Variants in STPG4 observed in about 807,000 individuals in gnomAD.
STPG4 encodes sperm-tail PG-rich repeat containing 4, also known as protein STPG4.
A neutral mutation model predicts 31.5 loss-of-function variants in STPG4; 41 were observed. The observed-to-expected ratio is 1.30, with a 90% confidence interval of 1.01 to 1.69. The LOEUF is 1.69. STPG4 is among the 40% of genes most tolerant of loss of function. STPG4 has a pLI of 0.00. For missense variants in STPG4, 375 were observed against 293.4 expected (o/e 1.28, Z -2.03); for synonymous variants, 141 against 103.0 (o/e 1.37, Z -2.24).
At chr2:47,106,373 G>C (rs1466314250) in intron 5 of STPG4, among the ~76,000 whole-genome samples, 1 of 151,896 alleles carries the variant, frequency 6.6e-6, no homozygotes, top group Non-Finnish European at 1.5e-5. Context: ...CGTCAGCGCA[G>C]AGCCATACAA....
chr2:47,111,887 CAA>C (rs963019784), intron 5 of STPG4, among the ~76,000 whole-genome samples: 2 of 152,114 alleles, frequency 1.3e-5, no homozygotes, highest in African/African-American at 4.8e-5. Context: ...ATTTTCCAAC[CAA>C]ATTCCTTACC....
chr2:47,129,206 A>C (rs1686422737), intron 5 of STPG4: 1 of 152,306 alleles, frequency 6.6e-6, no homozygotes, highest in South Asian at 2.1e-4. Context: ...AAGCAAAAGG[A>C]AGGCCTCTCT....
chr2:47,089,353 A>G (rs192341809), intron 6 of STPG4, among the ~76,000 whole-genome samples: 1 of 152,282 alleles, frequency 6.6e-6, no homozygotes, highest in Non-Finnish European at 1.5e-5. Context: ...TCTGCTGCCC[A>G]GCAGCTCTGG....
At position 47,153,027 on chromosome 2, in the gene STPG4, A is replaced by T; in HGVS notation, c.82-11T>A. 2 of 1,601,658 alleles carry T rather than the reference A, an allele frequency of 1.2e-6. No individual in the cohort carries two copies. The highest frequency in any genetic ancestry group is 1.7e-6 in the Non-Finnish European group (2 of 1,170,474). Reference sequence around the variant, plus strand: ...CTTTTGGGCTGGTTTCTGTTAACAAACACAAAGTATGCTTATTCATTTGAG... The same window carrying T: ...CTTTTGGGCTGGTTTCTGTTAACAATCACAAAGTATGCTTATTCATTTGAG... On this transcript the variant is annotated splice_polypyrimidine_tract_variant and intron_variant, in intron 1 of 6. Coordinates refer to ENST00000445927, the MANE Select transcript of STPG4 (RefSeq NM_001163561.2).
At chr2:47,090,169 TCAC>T in intron 6 of STPG4, 98 bp downstream of exon 6, 1 of 758,164 alleles carries the variant, frequency 1.3e-6, no homozygotes, top group Non-Finnish European at 2.2e-6. Context: ...TTCCCCCATC[TCAC>T]CACCACCCCG....
At chr2:47,089,073 G>A (rs886094634) in intron 6 of STPG4, among the ~76,000 whole-genome samples, 1 of 152,170 alleles carries the variant, frequency 6.6e-6, no homozygotes, top group African/African-American at 2.4e-5. Flanking sequence ...CTATAAGGGA[G>A]AGACTCCACC....
intron 5 of STPG4, among the ~76,000 whole-genome samples, chr2:47,117,335 G>A (rs143458230): frequency 0.026 from 3,928 of 152,136 alleles, 175 homozygotes; most frequent in African/African-American, 0.089. Flanking sequence ...TCACCCTCCC[G>A]AGTAGCTGGG....
At chr2:47,101,878 G>A (rs1022236196) in intron 5 of STPG4, among the ~76,000 whole-genome samples, 8 of 151,730 alleles carry the variant, frequency 5.3e-5, no homozygotes, top group African/African-American at 1.7e-4. Flanking sequence ...ATCTTTATAG[G>A]AAAGGGGTAA....
chr2:47,129,811 G>A (rs1686437102), intron 5 of STPG4, 130 bp downstream of exon 5: 5 of 1,149,826 alleles, frequency 4.3e-6, no homozygotes, highest in Non-Finnish European at 6.1e-6. Context: ...TAATTGTGTG[G>A]ATAATGGTGT....
At chr2:47,119,867 TG>T (rs1322161552) in intron 5 of STPG4, among the ~76,000 whole-genome samples, 1 of 152,192 alleles carries the variant, frequency 6.6e-6, no homozygotes, top group Non-Finnish European at 1.5e-5. Context: ...TAGGGCTAAA[TG>T]TGGGGAAAGC....
chr2:47,092,727 G>C (rs924092220), intron 5 of STPG4, among the ~76,000 whole-genome samples: 1 of 151,912 alleles, frequency 6.6e-6, no homozygotes, highest in African/African-American at 2.4e-5. Context: ...CTTATAATAG[G>C]TAAGGCTGGC....
chr2:47,124,559 CATA>C (rs1309369414), intron 5 of STPG4, among the ~76,000 whole-genome samples: 1 of 152,168 alleles, frequency 6.6e-6, no homozygotes, highest in African/African-American at 2.4e-5. Flanking sequence ...TTTCACTTAA[CATA>C]ATGACCTCCA....
chr2:47,104,767 C>A (rs972795680), intron 5 of STPG4, among the ~76,000 whole-genome samples: 17 of 151,980 alleles, frequency 1.1e-4, no homozygotes, highest in African/African-American at 3.9e-4. Flanking sequence ...GCAGGCTACT[C>A]TAGATCTCTT....
intron 5 of STPG4, among the ~76,000 whole-genome samples, chr2:47,092,181 A>G (rs7420764): frequency 0.57 from 25,090 of 44,140 alleles, 8,958 homozygotes; most frequent in South Asian, 0.65. Flanking sequence ...AAGTACTCCT[A>G]AAACAAGAAA....
chr2:47,109,551 T>C (rs1239019845), intron 5 of STPG4, among the ~76,000 whole-genome samples: 2 of 135,510 alleles, frequency 1.5e-5, no homozygotes, highest in African/African-American at 5.6e-5. Context: ...TGAGACTATG[T>C]ATCAGAAAAA....
intron 1 of STPG4, among the ~76,000 whole-genome samples, chr2:47,154,964 G>T (rs1383088528): frequency 6.6e-6 from 1 of 151,956 alleles, no homozygotes; most frequent in Non-Finnish European, 1.5e-5. Context: ...GAAGAAGCAA[G>T]GGGAAAAGAA....
intron 5 of STPG4, among the ~76,000 whole-genome samples, chr2:47,094,956 C>G (rs1685640532): frequency 6.6e-6 from 1 of 152,210 alleles, no homozygotes; most frequent in Non-Finnish European, 1.5e-5. Flanking sequence ...ACTGGTTAAT[C>G]TGTATCATCA....
chr2:47,134,399 TTA>T (rs1395455594), intron 3 of STPG4, among the ~76,000 whole-genome samples: 2 of 152,234 alleles, frequency 1.3e-5, no homozygotes, highest in African/African-American at 2.4e-5. Context: ...ACTGATCTTT[TTA>T]TAGTCTCCAT....
intron 5 of STPG4, among the ~76,000 whole-genome samples, chr2:47,105,556 G>C (rs1421376624): frequency 6.6e-6 from 1 of 152,026 alleles, no homozygotes; most frequent in African/African-American, 2.4e-5. Context: ...ACAAATTATA[G>C]TCCAGACTTA....
Sources: allele counts gnomAD v4.1 joint callset (sites outside exome capture counted in the v4.1 genomes callset), GRCh38; gene constraint gnomAD v4.1.1; transcripts MANE v1.5; gene names NCBI Gene and HGNC (gene_info 2026-07-23, HGNC 2026-07-21).